The following IMMP2L variants were observed in gnomAD, a reference collection of about 807,000 sequenced individuals.
The protein encoded by IMMP2L is mitochondrial inner membrane protease subunit 2.
Under a neutral mutation model 19.3 loss-of-function variants are expected in IMMP2L, and 18 were observed. The ratio of observed to expected loss-of-function variants is 0.93; its 90% CI spans 0.64 to 1.38. The LOEUF is 1.38. IMMP2L is among the 40% of genes most tolerant of loss of function. The pLI is 0.00. For missense variants in IMMP2L, 233 were observed against 218.2 expected, an observed-to-expected ratio of 1.07 and a Z score of -0.43; for synonymous variants, 76 against 73.0, an observed-to-expected ratio of 1.04 and a Z score of -0.21.
chr7:111,089,954 TTG>T (rs1482753500), intron 3 of IMMP2L, among the ~76,000 whole-genome samples: 1 of 151,960 alleles, frequency 6.6e-6, no homozygotes, highest in Non-Finnish European at 1.5e-5. Context: ...TGTGAAGGTT[TTG>T]TTTTTTTTTT....
chr7:110,842,502 G>A lies in IMMP2L; in HGVS notation c.408+44091C>T, dbSNP rs537011769. Among the ~76,000 whole-genome samples the A allele has an allele frequency of 2.6e-5, 4 of 152,290 alleles. 1 individual carries two copies. The highest frequency in any genetic ancestry group is 9.6e-5 in the African/African-American group (4 of 41,582). On this transcript the variant is annotated intron_variant, in intron 5 of 5. Transcript: ENST00000405709. ...AGTGCTACTGTGCTCTTTGCCAAAG[G>A]GCAAACCAAATGCCATCTTCCTCAA... is the stretch of plus-strand genomic sequence containing the variant.
intron 5 of IMMP2L, among the ~76,000 whole-genome samples, chr7:110,723,408 GCAAA>G (rs1273796038): frequency 6.6e-6 from 1 of 152,178 alleles, no homozygotes; most frequent in Non-Finnish European, 1.5e-5. Flanking sequence ...TTGCTCACAA[GCAAA>G]CAGAAACCTA....
intron 3 of IMMP2L, among the ~76,000 whole-genome samples, chr7:111,196,882 G>A (rs755784537): frequency 1.3e-5 from 2 of 152,040 alleles, no homozygotes; most frequent in Non-Finnish European, 2.9e-5. Context: ...CTTTAACAGG[G>A]CATACAAAAT....
chr7:111,409,648 T>C (rs944176555), intron 3 of IMMP2L, among the ~76,000 whole-genome samples: 1 of 151,770 alleles, frequency 6.6e-6, no homozygotes, highest in Non-Finnish European at 1.5e-5. Flanking sequence ...AATAAAAACA[T>C]ACAGTAACAT....
At chr7:111,172,015 G>A (rs1004325111) in intron 3 of IMMP2L, among the ~76,000 whole-genome samples, 2 of 151,098 alleles carry the variant, frequency 1.3e-5, no homozygotes, top group African/African-American at 4.8e-5. Context: ...TTTATTCTCT[G>A]ATTTAACAGA....
intron 4 of IMMP2L, 59 bp from the exon 5 acceptor site, chr7:110,886,754 C>T: frequency 1.0e-5 from 8 of 786,412 alleles, no homozygotes; most frequent in African/African-American, 1.7e-5. Flanking sequence ...AACTGCTGGG[C>T]ATACAAACTT....
intron 5 of IMMP2L, among the ~76,000 whole-genome samples, chr7:110,787,192 C>T (rs983157057): frequency 1.3e-5 from 2 of 151,984 alleles, no homozygotes; most frequent in African/African-American, 4.8e-5. Flanking sequence ...TCTGAAAGTG[C>T]TTCCCAACCC....
intron 5 of IMMP2L, among the ~76,000 whole-genome samples, chr7:110,714,237 C>T (rs1455946136): frequency 1.3e-5 from 2 of 152,064 alleles, no homozygotes; most frequent in South Asian, 2.1e-4. Flanking sequence ...TATTGACTTG[C>T]GTATGTTGAA....
chr7:111,204,157 G>A (rs1476390967), intron 3 of IMMP2L, among the ~76,000 whole-genome samples: 1 of 151,982 alleles, frequency 6.6e-6, no homozygotes, highest in Admixed American at 6.6e-5. Flanking sequence ...ATCTTGTTCT[G>A]TCCAACAATG....
chr7:111,534,242 G>A (rs1847666303), intron 1 of IMMP2L, among the ~76,000 whole-genome samples: 1 of 151,964 alleles, frequency 6.6e-6, no homozygotes, highest in Non-Finnish European at 1.5e-5. Flanking sequence ...TTTTATTGCA[G>A]TGAAAAAATG....
At chr7:110,671,075 C>G (rs1791887321) in intron 5 of IMMP2L, among the ~76,000 whole-genome samples, 1 of 152,198 alleles carries the variant, frequency 6.6e-6, no homozygotes, top group Non-Finnish European at 1.5e-5. Flanking sequence ...CAACCTTGAG[C>G]AGATCATTGC....
intron 5 of IMMP2L, among the ~76,000 whole-genome samples, chr7:110,884,012 T>C (rs1809960000): frequency 6.6e-6 from 1 of 152,032 alleles, no homozygotes; most frequent in African/African-American, 2.4e-5. Context: ...AATGAAAGAA[T>C]TGCTGCAGGC....
At chr7:111,546,607 T>C (rs1017301409) in intron 1 of IMMP2L, among the ~76,000 whole-genome samples, 1 of 152,144 alleles carries the variant, frequency 6.6e-6, no homozygotes, top group African/African-American at 2.4e-5. Flanking sequence ...TTCTCAAATT[T>C]AGGAACAAAA....
chr7:111,483,379 A>C (rs1040823938), intron 3 of IMMP2L: 1 of 152,172 alleles, frequency 6.6e-6, no homozygotes, highest in Non-Finnish European at 1.5e-5. Flanking sequence ...CAAGGTATAG[A>C]AAATTCACCT....
At chr7:111,229,033 G>GT (rs1208640866) in intron 3 of IMMP2L, among the ~76,000 whole-genome samples, 2 of 148,592 alleles carry the variant, frequency 1.3e-5, no homozygotes, top group African/African-American at 5.0e-5. Context: ...AGAATTGCTA[G>GT]TTTTTTTAAC....
chr7:111,278,486 A>G (rs1021940105), intron 3 of IMMP2L, among the ~76,000 whole-genome samples: 1 of 152,308 alleles, frequency 6.6e-6, no homozygotes, highest in African/African-American at 2.4e-5. Flanking sequence ...AGTTTTAAAA[A>G]TGAATGTCAC....
rs368190681 is a variant in IMMP2L at position 110,844,772 on chromosome 7, G to A, written c.408+41821C>T. ...AGACAGCATGGAAATGGCAAGGATGGACAGTTTCTCTCCCAACTCCACATT... is the reference window on the plus strand; with the variant it reads ...AGACAGCATGGAAATGGCAAGGATGAACAGTTTCTCTCCCAACTCCACATT... On this transcript the variant is annotated intron_variant, in intron 5 of 5. Coordinates refer to ENST00000405709, the MANE Select transcript of IMMP2L (RefSeq NM_032549.4). Among the ~76,000 whole-genome samples, 319 of 151,918 alleles carry A rather than the reference G, an allele frequency of 2.1e-3. 1 individual carries two copies. Among genetic ancestry groups the A allele is most frequent in the African/African-American group, 7.3e-3 (302 of 41,392 alleles).
intron 3 of IMMP2L, among the ~76,000 whole-genome samples, chr7:110,967,305 C>T (rs1819640598): frequency 6.6e-6 from 1 of 151,902 alleles, no homozygotes; most frequent in Non-Finnish European, 1.5e-5. Flanking sequence ...CTGTTGGGAG[C>T]ACTTGAAAGC....
At chr7:110,685,745 G>T (rs1239185576) in intron 5 of IMMP2L, among the ~76,000 whole-genome samples, 1 of 151,898 alleles carries the variant, frequency 6.6e-6, no homozygotes, top group Non-Finnish European at 1.5e-5. Context: ...GCTGGGCTTT[G>T]AAGGAGCTTT....
Sources: allele counts gnomAD v4.1 joint callset (sites outside exome capture counted in the v4.1 genomes callset), GRCh38; gene constraint gnomAD v4.1.1; transcripts MANE v1.5; gene names NCBI Gene and HGNC (gene_info 2026-07-23, HGNC 2026-07-21).